The following NCAM2 variants were observed in gnomAD, a reference collection of about 807,000 sequenced individuals.
NCAM2 encodes neural cell adhesion molecule 2, also known as N-CAM-2.
Under a neutral mutation model 98.1 loss-of-function variants are expected in NCAM2, and 30 were observed. The ratio of observed to expected loss-of-function variants is 0.31; its 90% CI spans 0.23 to 0.41. The LOEUF (loss-of-function observed/expected upper bound fraction) is 0.41. Ranked by LOEUF, NCAM2 falls within the 10% of genes least tolerant of loss-of-function variation. The pLI is 1.00. For missense variants in NCAM2, 867 were observed against 1,005.8 expected (o/e 0.86, Z 1.87); for synonymous variants, 368 against 342.4 (o/e 1.07, Z -0.83).
At chr21:21,274,647 A>T (rs964609130) in intron 1 of NCAM2, among the ~76,000 whole-genome samples, 24 of 152,232 alleles carry the variant, frequency 1.6e-4, no homozygotes, top group African/African-American at 5.3e-4. Flanking sequence ...AGAACATTTT[A>T]AGGAGTAATA....
chr21:21,488,200 T>A (rs1427258221), intron 15 of NCAM2, among the ~76,000 whole-genome samples: 2 of 151,874 alleles, frequency 1.3e-5, no homozygotes, highest in African/African-American at 4.8e-5. Flanking sequence ...TCTTTTTAAA[T>A]TAACAAAGTT....
chr21:21,205,678 G>A (rs2826733), intron 1 of NCAM2, among the ~76,000 whole-genome samples: 4 of 151,758 alleles, frequency 2.6e-5, no homozygotes, highest in Admixed American at 2.0e-4. Flanking sequence ...AATGTTAGGA[G>A]TGATTTTCTT....
At chr21:21,345,821 C>T (rs548054968) in intron 8 of NCAM2, among the ~76,000 whole-genome samples, 2 of 152,150 alleles carry the variant, frequency 1.3e-5, no homozygotes, top group East Asian at 3.9e-4. Context: ...TTTGGTAAGC[C>T]TCTGAGACTT....
At chr21:21,462,605 T>TA (rs929406875) in intron 12 of NCAM2, among the ~76,000 whole-genome samples, 27 of 152,120 alleles carry the variant, frequency 1.8e-4, no homozygotes, top group African/African-American at 4.6e-4. Context: ...TCCAAACTTA[T>TA]AAAAAATGTA....
At chr21:21,022,670 A>T (rs1023257511) in intron 1 of NCAM2, among the ~76,000 whole-genome samples, 1 of 152,198 alleles carries the variant, frequency 6.6e-6, no homozygotes, top group Non-Finnish European at 1.5e-5. Context: ...AAATTATTTT[A>T]ACATAATTTC....
intron 12 of NCAM2, among the ~76,000 whole-genome samples, chr21:21,432,740 A>C (rs1042639057): frequency 6.6e-6 from 1 of 151,950 alleles, no homozygotes; most frequent in Non-Finnish European, 1.5e-5. Context: ...GTATTTTTAT[A>C]TTTTTTTACT....
In NCAM2 at chr21:21,006,390, T is replaced by C. The variant is rs114208395; in HGVS notation, c.55+7772T>C. Among the ~76,000 whole-genome samples the C allele has an allele frequency of 3.1e-3, 478 of 152,168 alleles. 5 individuals are homozygous for C. The highest frequency in any genetic ancestry group is 0.011 in the African/African-American group (472 of 41,522). On this transcript the variant is annotated intron_variant, in intron 1 of 17. Coordinates refer to ENST00000400546, the MANE Select transcript of NCAM2 (RefSeq NM_004540.5). ...GGCGTGGTGGTGCATACCTCACTAG[T>C]CCCAGCTACTTGGAAGGCTGAGGTT...
chr21:21,262,890 A>T (rs2071973901), intron 1 of NCAM2, among the ~76,000 whole-genome samples: 1 of 151,460 alleles, frequency 6.6e-6, no homozygotes, highest in Admixed American at 6.6e-5. Context: ...GTGCAGAGAA[A>T]CTCCCCTTTT....
chr21:21,453,092 A>T (rs34399466), intron 12 of NCAM2, among the ~76,000 whole-genome samples: 28,264 of 127,280 alleles, frequency 0.22, 3,606 homozygotes, highest in Middle Eastern at 0.36. Flanking sequence ...TATTTAATAT[A>T]TTATATTAAA....
intron 1 of NCAM2, among the ~76,000 whole-genome samples, chr21:21,237,055 G>A (rs2070860811): frequency 6.6e-6 from 1 of 151,982 alleles, no homozygotes; most frequent in Non-Finnish European, 1.5e-5. Context: ...TTTTATCCCT[G>A]CTTTCTCTGC....
intron 1 of NCAM2, among the ~76,000 whole-genome samples, chr21:21,191,856 A>C (rs2068834569): frequency 2.6e-5 from 4 of 152,186 alleles, no homozygotes; most frequent in Admixed American, 6.5e-5. Context: ...ACAATGTTAC[A>C]TTTTGACTTG....
At chr21:21,034,448 G>A (rs1051319828) in intron 1 of NCAM2, among the ~76,000 whole-genome samples, 9 of 152,094 alleles carry the variant, frequency 5.9e-5, no homozygotes, top group Admixed American at 2.0e-4. Context: ...GAACTTTCTC[G>A]GTCGTCCATA....
chr21:21,204,918 G>GTTCACTC (rs1014307808), intron 1 of NCAM2, among the ~76,000 whole-genome samples: 2 of 151,378 alleles, frequency 1.3e-5, no homozygotes, highest in Admixed American at 1.3e-4. Context: ...TCCACTTTCC[G>GTTCACTC]TTCACTCTTT....
At chr21:21,336,925 G>C (rs1257137817) in intron 7 of NCAM2, among the ~76,000 whole-genome samples, 1 of 152,196 alleles carries the variant, frequency 6.6e-6, no homozygotes, top group African/African-American at 2.4e-5. Context: ...TGTTCAGAAT[G>C]ATGATCTTCT....
At chr21:21,130,797 T>A (rs2066917622) in intron 1 of NCAM2, among the ~76,000 whole-genome samples, 1 of 152,144 alleles carries the variant, frequency 6.6e-6, no homozygotes, top group Admixed American at 6.6e-5. Flanking sequence ...TGAAAATATG[T>A]TTCTGGGTGA....
chr21:21,461,435 G>A (rs1982961746), intron 12 of NCAM2, among the ~76,000 whole-genome samples: 2 of 151,706 alleles, frequency 1.3e-5, no homozygotes, highest in African/African-American at 4.8e-5. Flanking sequence ...TACTCATGAT[G>A]GAAAGTTACA....
chr21:21,434,192 C>T (rs528073359), intron 12 of NCAM2, among the ~76,000 whole-genome samples: 18 of 152,306 alleles, frequency 1.2e-4, no homozygotes, highest in African/African-American at 3.1e-4. Context: ...TGAGAAATAA[C>T]TGTCACAGAA....
chr21:21,305,139 G>A (rs2073840853), intron 5 of NCAM2, among the ~76,000 whole-genome samples: 1 of 151,982 alleles, frequency 6.6e-6, no homozygotes, highest in Non-Finnish European at 1.5e-5. Flanking sequence ...TCAACATGGT[G>A]TAATCCCGTC....
intron 15 of NCAM2, among the ~76,000 whole-genome samples, chr21:21,504,274 G>C (rs1003157696): frequency 6.6e-6 from 1 of 151,832 alleles, no homozygotes; most frequent in Non-Finnish European, 1.5e-5. Flanking sequence ...CTGGATCTCA[G>C]TTTTCTTTTA....
Sources: allele counts gnomAD v4.1 joint callset (sites outside exome capture counted in the v4.1 genomes callset), GRCh38; gene constraint gnomAD v4.1.1; transcripts MANE v1.5; gene names NCBI Gene and HGNC (gene_info 2026-07-23, HGNC 2026-07-21).